PPP2R3A: variants seen among roughly 807,000 people sequenced by gnomAD.
The protein encoded by PPP2R3A is protein phosphatase 2 regulatory subunit B''alpha, also known as serine/threonine-protein phosphatase 2A regulatory subunit B'' subunit alpha.
Under a neutral mutation model 106.9 loss-of-function variants are expected in PPP2R3A, and 80 were observed. The observed-to-expected ratio is 0.75, with a 90% CI of 0.62 to 0.90. PPP2R3A has a LOEUF of 0.90. PPP2R3A is among the 40% of genes least tolerant of loss of function. The pLI, the probability that PPP2R3A is intolerant of heterozygous loss-of-function variation, is 0.00. For missense variants in PPP2R3A, 1,386 were observed against 1,350.4 expected, an observed-to-expected ratio of 1.03 and a Z score of -0.41; for synonymous variants, 483 against 468.3, an observed-to-expected ratio of 1.03 and a Z score of -0.41.
At chr3:136,051,708 A>G (rs1370383671) in intron 5 of PPP2R3A, among the ~76,000 whole-genome samples, 2 of 152,222 alleles carry the variant, frequency 1.3e-5, no homozygotes, top group African/African-American at 4.8e-5. Flanking sequence ...CTAGTCAATG[A>G]ATTTTCACAA....
At position 136,001,988 on chromosome 3, in the gene PPP2R3A, C is replaced by T; in HGVS notation, c.490C>T (p.His164Tyr). ...AGTTGATTTGGACTTGCTTTGTGGC[C>T]ATTATAACAACGATGGGAACGCCCC... ...RSVDLDLLCG[H>Y]YNNDGNAPSF... Residue 164 changes from histidine to tyrosine, a missense_variant, in exon 2 of 14, where the codon CAT becomes TAT. Transcript: ENST00000264977. The T allele has an allele frequency of 1.2e-6, 2 of 1,614,056 alleles. No homozygotes were observed. The highest frequency in any genetic ancestry group is 1.7e-6 in the Non-Finnish European group (2 of 1,180,010).
chr3:136,003,970 A>C (rs1040869073), intron 2 of PPP2R3A, among the ~76,000 whole-genome samples: 2 of 152,194 alleles, frequency 1.3e-5, no homozygotes, highest in African/African-American at 4.8e-5. Context: ...AGGAGAGAAG[A>C]CATGATTCTT....
chr3:136,011,874 A>G (rs1241569264), intron 2 of PPP2R3A, among the ~76,000 whole-genome samples: 1 of 152,154 alleles, frequency 6.6e-6, no homozygotes, highest in South Asian at 2.1e-4. Context: ...TCGTACTTCC[A>G]GCATAATGCT....
At chr3:136,137,783 C>T (rs534762933) in intron 13 of PPP2R3A, among the ~76,000 whole-genome samples, 6 of 152,050 alleles carry the variant, frequency 3.9e-5, no homozygotes, top group African/African-American at 1.4e-4. Flanking sequence ...CCTCGTGATC[C>T]GCCCACCTGG....
chr3:136,131,701 A>C (rs1295541702), intron 13 of PPP2R3A, among the ~76,000 whole-genome samples: 1 of 152,152 alleles, frequency 6.6e-6, no homozygotes, highest in Non-Finnish European at 1.5e-5. Flanking sequence ...CTGCTTAGAC[A>C]CATACACACA....
intron 2 of PPP2R3A, among the ~76,000 whole-genome samples, chr3:136,005,246 G>T (rs1933801343): frequency 6.6e-6 from 1 of 152,138 alleles, no homozygotes; most frequent in East Asian, 1.9e-4. Context: ...TTCGTGTTTA[G>T]ACTTGGGCCC....
chr3:136,132,797 C>G (rs887857087), intron 13 of PPP2R3A, among the ~76,000 whole-genome samples: 1 of 151,668 alleles, frequency 6.6e-6, no homozygotes, highest in Admixed American at 6.6e-5. Flanking sequence ...TCTAGAATAG[C>G]CAAAACACTT....
intron 13 of PPP2R3A, among the ~76,000 whole-genome samples, chr3:136,135,058 T>G (rs1250043077): frequency 6.6e-6 from 1 of 152,104 alleles, no homozygotes; most frequent in Non-Finnish European, 1.5e-5. Flanking sequence ...AGCGAAAGTT[T>G]TTTTCAAGTT....
intron 13 of PPP2R3A, among the ~76,000 whole-genome samples, chr3:136,114,977 A>C (rs1937687700): frequency 1.3e-5 from 2 of 152,034 alleles, no homozygotes; most frequent in Admixed American, 6.5e-5. Context: ...ACTGGGAGAC[A>C]CCTCCCAGTA....
intron 1 of PPP2R3A, among the ~76,000 whole-genome samples, chr3:135,985,524 T>C (rs1399253628): frequency 6.6e-6 from 1 of 152,196 alleles, no homozygotes; most frequent in East Asian, 1.9e-4. Flanking sequence ...CCTTGCTGTT[T>C]ATCTGTTGAT....
At chr3:136,068,683 A>T (rs1293592981) in intron 5 of PPP2R3A, among the ~76,000 whole-genome samples, 1 of 152,256 alleles carries the variant, frequency 6.6e-6, no homozygotes, top group African/African-American at 2.4e-5. Flanking sequence ...AATGAATGAG[A>T]GAACTTTTGA....
In PPP2R3A at chr3:136,009,895, C is replaced by T. The variant is rs144240114; in HGVS notation, c.1995+6402C>T. Among the ~76,000 whole-genome samples, 467 of 152,264 alleles carry T rather than the reference C, an allele frequency of 3.1e-3. 5 individuals carry two copies. The highest frequency in any genetic ancestry group is 1.0e-2 in the African/African-American group (415 of 41,546). ...TCTCTGTCTACTTTGAGCTTTTATT[C>T]GTGCAGCTGAACTTGGCTACAGAAG... On this transcript the variant is annotated intron_variant, in intron 2 of 13. Coordinates refer to ENST00000264977, the MANE Select transcript of PPP2R3A (RefSeq NM_002718.5).
chr3:136,083,482 T>C (rs775056373), intron 8 of PPP2R3A, among the ~76,000 whole-genome samples: 8 of 152,204 alleles, frequency 5.3e-5, no homozygotes, highest in Non-Finnish European at 1.2e-4. Context: ...CTCAGCCATG[T>C]GGAACTATGA....
intron 5 of PPP2R3A, among the ~76,000 whole-genome samples, chr3:136,058,287 A>G (rs1392433401): frequency 6.6e-6 from 1 of 152,182 alleles, no homozygotes; most frequent in African/African-American, 2.4e-5. Flanking sequence ...CTCAGCCCAA[A>G]AGCTTCTTAA....
rs941818397 is a variant in PPP2R3A, at chr3:136,042,246, GTC to G, written c.2366+1286_2366+1287del. Reference sequence around the variant, plus strand: ...TCATACATCACATTAGAACTAAAGAGTCTATGTTGGTGGAGGGTATTCTCATA... The same window carrying G: ...TCATACATCACATTAGAACTAAAGAGTATGTTGGTGGAGGGTATTCTCATA... On this transcript the variant is annotated intron_variant, in intron 4 of 13. Transcript: ENST00000264977. Among the ~76,000 whole-genome samples, 88 of 152,156 alleles carry G rather than the reference GTC, an allele frequency of 5.8e-4. 1 individual carries two copies. Among genetic ancestry groups the G allele is most frequent in the African/African-American group, 2.1e-3 (88 of 41,442 alleles).
chr3:136,111,733 G>A (rs1255385098), intron 13 of PPP2R3A, among the ~76,000 whole-genome samples: 2 of 151,512 alleles, frequency 1.3e-5, no homozygotes, highest in Non-Finnish European at 2.9e-5. Flanking sequence ...ATAAAGAAGA[G>A]CTGGTACCAA....
intron 13 of PPP2R3A, among the ~76,000 whole-genome samples, chr3:136,122,504 T>C (rs964320690): frequency 6.6e-6 from 1 of 152,210 alleles, no homozygotes; most frequent in Non-Finnish European, 1.5e-5. Flanking sequence ...TTTGCATCCC[T>C]TGAATACTGT....
At chr3:136,134,007 A>C (rs1938517119) in intron 13 of PPP2R3A, among the ~76,000 whole-genome samples, 1 of 152,108 alleles carries the variant, frequency 6.6e-6, no homozygotes, top group Non-Finnish European at 1.5e-5. Flanking sequence ...AGAGCCAAAA[A>C]ACTTCAGCTT....
intron 6 of PPP2R3A, among the ~76,000 whole-genome samples, chr3:136,075,566 G>C (rs1271120119): frequency 1.3e-5 from 2 of 152,128 alleles, no homozygotes; most frequent in East Asian, 1.9e-4. Context: ...GGTTAGCACA[G>C]GCTAAAAATA....
Sources: allele counts gnomAD v4.1 joint callset (sites outside exome capture counted in the v4.1 genomes callset), GRCh38; gene constraint gnomAD v4.1.1; transcripts MANE v1.5; gene names NCBI Gene and HGNC (gene_info 2026-07-23, HGNC 2026-07-21).